GLCE: variants seen among roughly 807,000 people sequenced by gnomAD.
GLCE encodes glucuronic acid epimerase, also known as D-glucuronyl C5-epimerase.
Under a neutral mutation model 47.9 loss-of-function variants are expected in GLCE, and 19 were observed. That is an observed-to-expected ratio of 0.40 (90% CI 0.28 to 0.58). The LOEUF (loss-of-function observed/expected upper bound fraction) is 0.58, where lower values mean the gene tolerates loss of function less well. Among genes scored for constraint, GLCE ranks in the 20% least tolerant of loss-of-function variants. GLCE has a pLI of 0.48. For missense variants in GLCE, 556 were observed against 743.3 expected, an observed-to-expected ratio of 0.75 and a Z score of 2.93; for synonymous variants, 245 against 263.4, an observed-to-expected ratio of 0.93 and a Z score of 0.68.
intron 4 of GLCE, among the ~76,000 whole-genome samples, chr15:69,265,014 T>C (rs2053065846): frequency 6.6e-6 from 1 of 152,202 alleles, no homozygotes; most frequent in African/African-American, 2.4e-5. Flanking sequence ...TTTCCCTTGC[T>C]GTGCAAAAGC....
At position 69,235,594 on chromosome 15, in the gene GLCE, A is replaced by G. The variant is rs145583267; in HGVS notation, c.-13-20200A>G. ...CAGATGAGGAAACCGAAGTTTGGAA[A>G]GGTCAACTAACTTGTCCAAGATTGT... On this transcript the variant is annotated intron_variant, in intron 2 of 4. Coordinates refer to ENST00000261858, the MANE Select transcript of GLCE (RefSeq NM_015554.3). Among the ~76,000 whole-genome samples, 215 of 152,300 alleles carry G rather than the reference A, an allele frequency of 1.4e-3. 1 individual carries two copies. The highest frequency in any genetic ancestry group is 5.1e-3 in the African/African-American group (211 of 41,560).
chr15:69,236,715 A>C (rs1473628839), intron 2 of GLCE, among the ~76,000 whole-genome samples: 1 of 152,220 alleles, frequency 6.6e-6, no homozygotes, highest in East Asian at 1.9e-4. Context: ...GGTACCTGTG[A>C]GCTAGATAGT....
At position 69,269,174 on chromosome 15, in the gene GLCE, C is replaced by A. The variant is rs749725493; in HGVS notation, c.1784C>A (p.Ser595Tyr). The A allele has an allele frequency of 6.2e-6, 10 of 1,613,192 alleles. No homozygotes were observed. The highest frequency in any genetic ancestry group is 3.3e-4 in the Middle Eastern group (2 of 6,080). ...QLQLLSTIDE[S>Y]PVFKEFVKRW... is the part of the protein sequence containing the mutation. ...CAGCTACTCAGTACCATTGATGAGTCCCCAGTCTTCAAAGAATTTGTCAAG... is the reference window on the plus strand; with the variant it reads ...CAGCTACTCAGTACCATTGATGAGTACCCAGTCTTCAAAGAATTTGTCAAG... The change falls in exon 5 of 5, where the codon TCC becomes TAC. Residue 595 changes from serine (S) to tyrosine (Y), a missense_variant. Physicochemically the swap from Ser to Tyr is moderately radical, Grantham distance 144 (BLOSUM62 -2). Coordinates refer to ENST00000261858, the MANE Select transcript of GLCE (RefSeq NM_015554.3).
At chr15:69,218,619 A>G (rs1034528453) in intron 2 of GLCE, among the ~76,000 whole-genome samples, 8 of 152,220 alleles carry the variant, frequency 5.3e-5, no homozygotes, top group Non-Finnish European at 1.2e-4. Flanking sequence ...TGTTTAATTA[A>G]TAATTAGACA....
Position 69,186,952 on chromosome 15 carries a change from A to G in GLCE, c.-104-23364A>G, listed in dbSNP as rs114075957. On this transcript the variant is annotated intron_variant, in intron 1 of 4. Transcript: ENST00000261858. ...TGGGTGAAGTTTGGTTGTTATTACCAAAAGAGATAGCACATTTCATTGCTG... is the reference window on the plus strand; with the variant it reads ...TGGGTGAAGTTTGGTTGTTATTACCGAAAGAGATAGCACATTTCATTGCTG... Among the ~76,000 whole-genome samples the G allele has an allele frequency of 3.4e-3, 512 of 152,300 alleles. 4 individuals are homozygous for G. Among genetic ancestry groups the G allele is most frequent in the African/African-American group, 0.012 (497 of 41,572 alleles).
chr15:69,248,422 A>T (rs1005437412), intron 2 of GLCE, among the ~76,000 whole-genome samples: 3 of 152,206 alleles, frequency 2.0e-5, no homozygotes, highest in Admixed American at 6.5e-5. Flanking sequence ...TATTTGGATT[A>T]CAATTTCTGA....
intron 1 of GLCE, among the ~76,000 whole-genome samples, chr15:69,198,295 T>A (rs2052026965): frequency 6.6e-6 from 1 of 152,196 alleles, no homozygotes; most frequent in Non-Finnish European, 1.5e-5. Context: ...CATTGCTACA[T>A]GCCTATATTA....
chr15:69,267,021 T>G (rs2053096190), intron 4 of GLCE, among the ~76,000 whole-genome samples: 1 of 151,620 alleles, frequency 6.6e-6, no homozygotes, highest in Non-Finnish European at 1.5e-5. Context: ...CCTTTAATAT[T>G]TTAAAATTTG....
Position 69,245,247 on chromosome 15 carries a change from C to T in GLCE, c.-13-10547C>T, listed in dbSNP as rs187683684. On this transcript the variant is annotated intron_variant, in intron 2 of 4. Transcript: ENST00000261858. Reference sequence around the variant, plus strand: ...ACTCAGGAGGCTGAGGCACAAGAATCGCTTGAACCCCGGAGTTAGAGGTTT... The same window carrying T: ...ACTCAGGAGGCTGAGGCACAAGAATTGCTTGAACCCCGGAGTTAGAGGTTT... Among the ~76,000 whole-genome samples the T allele has an allele frequency of 4.9e-4, 73 of 149,788 alleles. No individual in the cohort carries two copies. In the South Asian group the frequency reaches 6.2e-3, roughly 13 times the overall value.
chr15:69,221,746 C>T (rs868212898), intron 2 of GLCE, among the ~76,000 whole-genome samples: 2 of 151,574 alleles, frequency 1.3e-5, no homozygotes, highest in South Asian at 4.2e-4. Context: ...ACCCATAATC[C>T]CAGCTACTTG....
intron 2 of GLCE, among the ~76,000 whole-genome samples, chr15:69,213,861 T>G (rs760658288): frequency 6.6e-6 from 1 of 152,162 alleles, no homozygotes; most frequent in African/African-American, 2.4e-5. Flanking sequence ...TTTATTTACT[T>G]AATCATTTAC....
At chr15:69,192,547 T>C (rs2140354099) in intron 1 of GLCE, among the ~76,000 whole-genome samples, 1 of 152,240 alleles carries the variant, frequency 6.6e-6, no homozygotes, top group East Asian at 1.9e-4. Context: ...TTGACTGTTT[T>C]TCTAGTTCAC....
At chr15:69,260,840 T>G (rs942126745) in intron 3 of GLCE, 1 of 406,740 alleles carries the variant, frequency 2.5e-6, no homozygotes, top group Non-Finnish European at 4.4e-6. Context: ...CCTTAAAAGG[T>G]AATTTATAGC....
chr15:69,248,500 T>C (rs190220954), intron 2 of GLCE, among the ~76,000 whole-genome samples: 5 of 152,294 alleles, frequency 3.3e-5, no homozygotes, highest in African/African-American at 9.6e-5. Flanking sequence ...TTTTTAATTA[T>C]ATAGGCCAAG....
Position 69,185,898 on chromosome 15 carries a change from T to G in GLCE, c.-104-24418T>G, listed in dbSNP as rs150786885. Among the ~76,000 whole-genome samples, 151 of 152,290 alleles carry G rather than the reference T, an allele frequency of 9.9e-4. 1 individual carries two copies. Among genetic ancestry groups the G allele is most frequent in the African/African-American group, 3.6e-3 (148 of 41,562 alleles). On this transcript the variant is annotated intron_variant, in intron 1 of 4. Coordinates refer to ENST00000261858, the MANE Select transcript of GLCE (RefSeq NM_015554.3). ...TGGGCCTCTGGAACTTCTGACCAAC[T>G]GGTTTCAAGTTGGGTTCCTCTTTGG...
In GLCE at chr15:69,204,458, T is replaced by C. The variant is rs557859372; in HGVS notation, c.-104-5858T>C. On this transcript the variant is annotated intron_variant, in intron 1 of 4. Coordinates refer to ENST00000261858, the MANE Select transcript of GLCE (RefSeq NM_015554.3). ...CCACCACACCCAGCTAATTTTTTTG[T>C]ATTTTTGGTAGAGACAGGGTTTCAC... Among the ~76,000 whole-genome samples the C allele has an allele frequency of 5.9e-5, 9 of 152,062 alleles. No homozygotes were observed. The East Asian group carries it at 1.7e-3, about 29-fold the overall frequency.
At chr15:69,223,320 C>G (rs1047687409) in intron 2 of GLCE, among the ~76,000 whole-genome samples, 6 of 152,044 alleles carry the variant, frequency 3.9e-5, no homozygotes, top group African/African-American at 1.2e-4. Context: ...ACACTTTTGC[C>G]GGATATAGGA....
At chr15:69,267,098 T>G (rs1049680496) in intron 4 of GLCE, among the ~76,000 whole-genome samples, 7 of 152,252 alleles carry the variant, frequency 4.6e-5, no homozygotes, top group Non-Finnish European at 1.0e-4. Context: ...GCTCAGTTTC[T>G]TGGTAGATCT....
chr15:69,265,554 C>CT (rs2053073523), intron 4 of GLCE, among the ~76,000 whole-genome samples: 1 of 152,202 alleles, frequency 6.6e-6, no homozygotes, highest in Non-Finnish European at 1.5e-5. Flanking sequence ...GTAACACCCT[C>CT]TGCTGGTGTT....
Sources: allele counts gnomAD v4.1 joint callset (sites outside exome capture counted in the v4.1 genomes callset), GRCh38; gene constraint gnomAD v4.1.1; transcripts MANE v1.5; gene names NCBI Gene and HGNC (gene_info 2026-07-23, HGNC 2026-07-21).